NR5A2: variants seen among roughly 807,000 people sequenced by gnomAD.
The protein encoded by NR5A2 is nuclear receptor subfamily 5 group A member 2, also known as CYP7A promoter-binding factor.
In NR5A2, 26 loss-of-function variants were observed where a neutral mutation model predicts 62.7. The observed-to-expected ratio is 0.41, with a 90% CI of 0.30 to 0.58. NR5A2 has a LOEUF of 0.58. Ranked by LOEUF, NR5A2 falls within the 20% of genes least tolerant of loss-of-function variation. The probability of loss-of-function intolerance (pLI) is 0.22; values close to 1 mark genes in which losing one functional copy is unlikely to be tolerated. For synonymous variants in NR5A2, 246 were observed against 241.7 expected (o/e 1.02, Z -0.16); for missense variants, 541 against 669.1 (o/e 0.81, Z 2.11).
intron 4 of NR5A2, among the ~76,000 whole-genome samples, chr1:200,046,367 G>A (rs949328818): frequency 6.6e-6 from 1 of 152,126 alleles, no homozygotes; most frequent in South Asian, 2.1e-4. Flanking sequence ...ATGGTATGTT[G>A]CTGCTTTCTA....
At chr1:200,104,048 G>A (rs1665524524) in intron 5 of NR5A2, among the ~76,000 whole-genome samples, 1 of 152,162 alleles carries the variant, frequency 6.6e-6, no homozygotes, top group South Asian at 2.1e-4. Context: ...AGGTTAGGGG[G>A]AGGTCCTTTG....
At chr1:200,115,976 A>C (rs1246756586) in intron 6 of NR5A2, among the ~76,000 whole-genome samples, 1 of 151,946 alleles carries the variant, frequency 6.6e-6, no homozygotes, top group Non-Finnish European at 1.5e-5. Flanking sequence ...CCTCAGCCAG[A>C]AGAAATACAA....
chr1:200,170,997 C>T (rs963669964), intron 7 of NR5A2, among the ~76,000 whole-genome samples: 4 of 152,122 alleles, frequency 2.6e-5, no homozygotes, highest in Admixed American at 6.6e-5. Flanking sequence ...CGGTGTATTC[C>T]CTGGGGATGG....
intron 7 of NR5A2, among the ~76,000 whole-genome samples, chr1:200,149,239 T>C (rs1667875870): frequency 6.6e-6 from 1 of 152,212 alleles, no homozygotes; most frequent in Non-Finnish European, 1.5e-5. Flanking sequence ...AGACAGAGTC[T>C]ACTTTGCACT....
intron 7 of NR5A2, among the ~76,000 whole-genome samples, chr1:200,162,719 A>G (rs1247848308): frequency 4.6e-5 from 7 of 152,192 alleles, no homozygotes; most frequent in Non-Finnish European, 7.3e-5. Context: ...TGATGGCTGG[A>G]TTGGAAAAGA....
chr1:200,128,109 A>T (rs1199263847), intron 7 of NR5A2, among the ~76,000 whole-genome samples: 2 of 152,076 alleles, frequency 1.3e-5, no homozygotes, highest in Non-Finnish European at 2.9e-5. Flanking sequence ...ATATGCAGGG[A>T]ATCAGTTCCA....
chr1:200,129,409 G>A (rs2821338), intron 7 of NR5A2, among the ~76,000 whole-genome samples: 79,234 of 152,060 alleles, frequency 0.52, 21,019 homozygotes, highest in East Asian at 0.69. Flanking sequence ...CATACAAAAG[G>A]CTGCTGTGTT....
At chr1:200,150,253 A>G (rs896275576) in intron 7 of NR5A2, among the ~76,000 whole-genome samples, 1 of 152,250 alleles carries the variant, frequency 6.6e-6, no homozygotes, top group African/African-American at 2.4e-5. Context: ...CTTGGTAGAC[A>G]TTTAGTGGAG....
chr1:200,051,948 A>G (rs1662653627), intron 5 of NR5A2, among the ~76,000 whole-genome samples: 1 of 152,164 alleles, frequency 6.6e-6, no homozygotes, highest in Non-Finnish European at 1.5e-5. Flanking sequence ...ACAAACATAC[A>G]AACACATACA....
In NR5A2 at chr1:200,157,475, ACT is replaced by A. The variant is rs1247285150; in HGVS notation, c.1379-16487_1379-16486del. Among the ~76,000 whole-genome samples, 4 of 152,298 alleles carry A rather than the reference ACT, an allele frequency of 2.6e-5. No individual in the cohort carries two copies. The East Asian group carries it at 5.8e-4, about 22-fold the overall frequency. ...GATAATAAGATATCTTACTATTATC[ACT>A]GTCTTAGCAAAATCTGTCATTACAC... On this transcript the variant is annotated intron_variant, in intron 7 of 7. Transcript: ENST00000367362.
intron 5 of NR5A2, among the ~76,000 whole-genome samples, chr1:200,062,227 T>TTGTGTGTGTGTGTGTGTGTG (rs6143563): frequency 0.06 from 8,744 of 145,540 alleles, 326 homozygotes; most frequent in South Asian, 0.085. Flanking sequence ...CTGGCAGATT[T>TTGTGTGTGTGTGTGTGTGTG]TGTGTGTGTG....
intron 5 of NR5A2, among the ~76,000 whole-genome samples, chr1:200,072,959 C>T (rs1193253126): frequency 6.6e-6 from 1 of 151,986 alleles, no homozygotes; most frequent in Non-Finnish European, 1.5e-5. Flanking sequence ...ATTCTTTTAC[C>T]AGCATGTTTG....
chr1:200,163,633 C>G (rs1266973596), intron 7 of NR5A2, among the ~76,000 whole-genome samples: 1 of 151,988 alleles, frequency 6.6e-6, no homozygotes, highest in Non-Finnish European at 1.5e-5. Context: ...AGGCGCAGAC[C>G]ATCACACTCA....
In NR5A2 at chr1:200,048,630, C is replaced by A; in HGVS notation, c.922C>A (p.Leu308Ile). The change falls in exon 5 of 8, where the codon CTT becomes ATT. Residue 308 changes from leucine to isoleucine, a missense_variant. Physicochemically the swap from Leu to Ile is conservative, Grantham distance 5 (BLOSUM62 2). Around this residue, in one of 3 missense-constraint regions of NR5A2, gnomAD observed 379 missense variants for 442.0 expected, o/e 0.86. Coordinates refer to ENST00000367362, the MANE Select transcript of NR5A2 (RefSeq NM_205860.3). This position sits in a 1 kb window ranked among gnomAD's most constrained non-coding sequence, Gnocchi z 4.8. ...PASIPHLILE[L>I]LKCEPDEPQV... ...AAGCATCCCACATCTGATACTGGAA[C>A]TTTTGAAGTGTGAGCCAGATGAGCC... 6.2e-7 allele frequency: 1 copy of A among 1,614,202 alleles called. No individual in the cohort carries two copies. Among genetic ancestry groups the A allele is most frequent in the Non-Finnish European group, 8.5e-7 (1 of 1,180,036 alleles).
At chr1:200,082,314 T>G (rs1233962896) in intron 5 of NR5A2, among the ~76,000 whole-genome samples, 2 of 152,248 alleles carry the variant, frequency 1.3e-5, no homozygotes, top group African/African-American at 4.8e-5. Context: ...CTAAAAATTA[T>G]GATCATATTT....
intron 1 of NR5A2, among the ~76,000 whole-genome samples, chr1:200,030,878 G>C (rs960932192): frequency 2.6e-5 from 4 of 152,188 alleles, no homozygotes; most frequent in East Asian, 3.8e-4. Flanking sequence ...TGTGAGTCTT[G>C]CTATCTGGTC....
At chr1:200,135,284 G>C (rs1373571908) in intron 7 of NR5A2, among the ~76,000 whole-genome samples, 2 of 152,192 alleles carry the variant, frequency 1.3e-5, no homozygotes, top group Non-Finnish European at 2.9e-5. Context: ...ACTTTGGGAG[G>C]CCGAGGCAGG....
intron 5 of NR5A2, among the ~76,000 whole-genome samples, chr1:200,087,903 C>G (rs1343785926): frequency 2.0e-5 from 3 of 151,934 alleles, no homozygotes; most frequent in African/African-American, 7.3e-5. Flanking sequence ...AGGCACCCAC[C>G]ATCATGCTCA....
At chr1:200,145,288 T>G (rs1398097750) in intron 7 of NR5A2, among the ~76,000 whole-genome samples, 2 of 152,114 alleles carry the variant, frequency 1.3e-5, no homozygotes, top group Non-Finnish European at 2.9e-5. Flanking sequence ...CCAGCCTAGG[T>G]GACAGAGCAG....
Sources: gnomAD v4.1 joint callset for allele counts (sites outside exome capture counted in the v4.1 genomes callset) on GRCh38, gnomAD v4.1.1 for gene constraint, gnomAD v4.1.1 regional missense constraint, Gnocchi (gnomAD v3.1) non-coding constraint, MANE v1.5 for transcripts, NCBI Gene and HGNC (gene_info 2026-07-23, HGNC 2026-07-21) for gene names.